PPARGC1B: variants seen among roughly 807,000 people sequenced by gnomAD.
PPARGC1B encodes PPARG coactivator 1 beta.
PPARGC1B carries 34 observed loss-of-function variants against 101.6 expected under a neutral mutation model. The ratio of observed to expected loss-of-function variants is 0.33; its 90% confidence interval spans 0.25 to 0.45. The LOEUF is 0.45. Among genes scored for constraint, PPARGC1B ranks in the 20% least tolerant of loss-of-function variants. The pLI is 1.00. For missense variants in PPARGC1B, 1,234 were observed against 1,317.6 expected (o/e 0.94, Z 0.98); for synonymous variants, 548 against 539.3 (o/e 1.02, Z -0.22).
At chr5:149,830,607 T>C (rs936690087) in intron 3 of PPARGC1B, among the ~76,000 whole-genome samples, 160 bp from the exon 4 acceptor site, 2 of 152,222 alleles carry the variant, frequency 1.3e-5, no homozygotes, top group Non-Finnish European at 2.9e-5. Context: ...CATCTGCACC[T>C]AGTATCTTGG....
At chr5:149,761,330 T>C (rs1755709207) in intron 1 of PPARGC1B, 1 of 152,144 alleles carries the variant, frequency 6.6e-6, no homozygotes, top group African/African-American at 2.4e-5. Context: ...ATATAGTGTT[T>C]AGTCACATCG....
chr5:149,825,846 C>CT (rs1561593935), intron 2 of PPARGC1B, among the ~76,000 whole-genome samples: 10 of 152,180 alleles, frequency 6.6e-5, no homozygotes, highest in African/African-American at 2.4e-4. Context: ...TCATCATCAT[C>CT]GTCATGGCAG....
At chr5:149,844,311 T>A (rs1377285868) in intron 10 of PPARGC1B, among the ~76,000 whole-genome samples, 1 of 152,156 alleles carries the variant, frequency 6.6e-6, no homozygotes, top group Non-Finnish European at 1.5e-5. Context: ...ACACACAGGA[T>A]CTTTAAAAAA....
At chr5:149,747,801 G>A (rs929071259) in intron 1 of PPARGC1B, among the ~76,000 whole-genome samples, 1 of 152,188 alleles carries the variant, frequency 6.6e-6, no homozygotes, top group Admixed American at 6.5e-5. Context: ...CCTCCCTGGT[G>A]GGGTGGGGGT....
chr5:149,762,411 G>A (rs1257213028), intron 1 of PPARGC1B, among the ~76,000 whole-genome samples: 2 of 152,110 alleles, frequency 1.3e-5, no homozygotes, highest in African/African-American at 4.8e-5. Flanking sequence ...GACTCCCAAA[G>A]TGCTGGGATT....
intron 3 of PPARGC1B, among the ~76,000 whole-genome samples, chr5:149,830,077 G>C (rs1758714734): frequency 6.7e-6 from 1 of 148,824 alleles, no homozygotes; most frequent in African/African-American, 2.5e-5. Context: ...AAAACAGGGT[G>C]GGTTGGAGGT....
At chr5:149,845,971 C>T (rs775686596) in intron 11 of PPARGC1B, 57 bp downstream of exon 11, 7 of 1,605,666 alleles carry the variant, frequency 4.4e-6, no homozygotes, top group African/African-American at 2.7e-5. Flanking sequence ...GGAAGCAGTG[C>T]CTTCCTTGAA....
At chr5:149,748,208 T>G (rs1755155442) in intron 1 of PPARGC1B, among the ~76,000 whole-genome samples, 1 of 152,140 alleles carries the variant, frequency 6.6e-6, no homozygotes, top group Non-Finnish European at 1.5e-5. Flanking sequence ...GTCCAGGGTC[T>G]GTCAGTTAGC....
In PPARGC1B at chr5:149,837,043, C is replaced by G. The variant is rs758547558; in HGVS notation, c.2588C>G (p.Ser863Cys). 14 of 1,613,438 alleles carry G rather than the reference C, an allele frequency of 8.7e-6. No homozygotes were observed. Among genetic ancestry groups the G allele is most frequent in the Non-Finnish European group, 1.1e-5 (13 of 1,179,880 alleles). ...AGCTCTGGCTCTTCACCCTGCCACTCCTGGTCACCAGCCACTCGAAGGAAC... is the reference window on the plus strand; with the variant it reads ...AGCTCTGGCTCTTCACCCTGCCACTGCTGGTCACCAGCCACTCGAAGGAAC... ...RSSSGSSPCH[S>C]WSPATRRNFR... The change falls in exon 8 of 12, where the codon TCC (serine) becomes TGC (cysteine). Residue 863 changes from serine to cysteine, a missense_variant. This residue lies in a region of PPARGC1B where 497 missense variants were observed against 529.5 expected (regional missense o/e 0.94). Coordinates refer to ENST00000309241, the MANE Select transcript of PPARGC1B (RefSeq NM_133263.4). This position sits in a 1 kb window ranked among gnomAD's most constrained non-coding sequence, Gnocchi z 4.2.
At chr5:149,770,182 G>A (rs1206756803) in intron 1 of PPARGC1B, among the ~76,000 whole-genome samples, 3 of 152,098 alleles carry the variant, frequency 2.0e-5, no homozygotes, top group African/African-American at 7.2e-5. Flanking sequence ...AAGACATCAT[G>A]CCTAAGCCCC....
intron 4 of PPARGC1B, among the ~76,000 whole-genome samples, chr5:149,831,504 G>A (rs910028633): frequency 4.6e-5 from 7 of 152,208 alleles, no homozygotes; most frequent in African/African-American, 1.7e-4. Flanking sequence ...CAGCAGCTCA[G>A]TGTAGGAGCC....
At chr5:149,841,684 G>A (rs532030411) in intron 9 of PPARGC1B, among the ~76,000 whole-genome samples, 1 of 152,332 alleles carries the variant, frequency 6.6e-6, no homozygotes, top group Non-Finnish European at 1.5e-5. Flanking sequence ...GGGAGTTCCA[G>A]TCTGGACTTT....
chr5:149,815,822 C>T (rs569646764), intron 1 of PPARGC1B, among the ~76,000 whole-genome samples: 2 of 152,322 alleles, frequency 1.3e-5, no homozygotes, highest in East Asian at 1.9e-4. Flanking sequence ...GCTGGGATTA[C>T]AGGTGTGAGC....
intron 1 of PPARGC1B, among the ~76,000 whole-genome samples, chr5:149,771,256 C>G (rs1756123094): frequency 6.6e-6 from 1 of 152,208 alleles, no homozygotes; most frequent in African/African-American, 2.4e-5. Context: ...TGTGTAACCC[C>G]CACTGCACAG....
At chr5:149,774,096 C>G (rs1756257478) in intron 1 of PPARGC1B, among the ~76,000 whole-genome samples, 3 of 152,154 alleles carry the variant, frequency 2.0e-5, no homozygotes, top group Admixed American at 6.5e-5. Flanking sequence ...TCCTGGGTCC[C>G]CCTTTCAGCT....
intron 1 of PPARGC1B, among the ~76,000 whole-genome samples, chr5:149,752,870 CAA>C (rs1257292161): frequency 6.6e-6 from 1 of 152,158 alleles, no homozygotes; most frequent in Non-Finnish European, 1.5e-5. Context: ...CATAAACAAA[CAA>C]ACAAAAACAT....
At chr5:149,805,770 T>A (rs538864327) in intron 1 of PPARGC1B, among the ~76,000 whole-genome samples, 2 of 152,222 alleles carry the variant, frequency 1.3e-5, no homozygotes, top group South Asian at 4.1e-4. Flanking sequence ...AATGTTAAAT[T>A]CACTCTGGTT....
chr5:149,790,696 G>T (rs1459063632), intron 1 of PPARGC1B, among the ~76,000 whole-genome samples: 1 of 152,154 alleles, frequency 6.6e-6, no homozygotes, highest in Non-Finnish European at 1.5e-5. Context: ...TTGCTTTCCT[G>T]TCACTCAGTG....
intron 1 of PPARGC1B, chr5:149,732,808 G>A (rs1309034859): frequency 2.1e-6 from 1 of 477,390 alleles, no homozygotes; most frequent in East Asian, 6.6e-5. Flanking sequence ...TGCAGCCAGA[G>A]GGTGACAGAG....
Sources: gnomAD v4.1 joint callset for allele counts (sites outside exome capture counted in the v4.1 genomes callset) on GRCh38, gnomAD v4.1.1 for gene constraint, gnomAD v4.1.1 regional missense constraint, Gnocchi (gnomAD v3.1) non-coding constraint, MANE v1.5 for transcripts, NCBI Gene and HGNC (gene_info 2026-07-23, HGNC 2026-07-21) for gene names.